The following ZNF586 variants were observed in gnomAD, a reference collection of about 807,000 sequenced individuals.
ZNF586 encodes zinc finger protein 586.
Under a neutral mutation model 6.7 loss-of-function variants are expected in ZNF586, and 7 were observed. The observed-to-expected ratio is 1.04, with a 90% CI of 0.59 to 1.95. ZNF586 has a LOEUF of 1.95. Ranked by LOEUF, ZNF586 falls within the 30% of genes most tolerant of loss-of-function variation. The pLI, the probability that ZNF586 is intolerant of heterozygous loss-of-function variation, is 0.00. For synonymous variants in ZNF586, 166 were observed against 168.7 expected (o/e 0.98, Z 0.12); for missense variants, 442 against 489.6 (o/e 0.90, Z 0.92).
chr19:57,777,362 G>T (rs1379465796), intron 2 of ZNF586, among the ~76,000 whole-genome samples: 1 of 152,066 alleles, frequency 6.6e-6, no homozygotes, highest in African/African-American at 2.4e-5. Flanking sequence ...TGCTCATCTT[G>T]GTGGTGAAAT....
chr19:57,775,886 G>A (rs945736383), intron 1 of ZNF586, among the ~76,000 whole-genome samples: 2 of 152,098 alleles, frequency 1.3e-5, no homozygotes, highest in Non-Finnish European at 2.9e-5. Flanking sequence ...ACAGGCGTGC[G>A]CCACCGCGCC....
In ZNF586 at chr19:57,779,510, A is replaced by G; in HGVS notation, c.923A>G (p.His308Arg). The G allele has an allele frequency of 6.2e-7, 1 of 1,614,208 alleles. No homozygotes were observed. Among genetic ancestry groups the G allele is most frequent in the Non-Finnish European group, 8.5e-7 (1 of 1,180,038 alleles). ...AGCTTAAGGTCCAACCTCATTCACC[A>G]TCAGCGAGTTCATACTGGAGAAAGG... ...SFSLRSNLIHHQRVHTGERHE... is the reference protein window; with the variant it reads ...SFSLRSNLIHRQRVHTGERHE... Residue 308 changes from histidine (H) to arginine (R), a missense_variant, in exon 3 of 3, where the codon CAT becomes CGT. Transcript: ENST00000396154.
intron 2 of ZNF586, 40 bp from the exon 3 acceptor site, chr19:57,778,710 CA>C (rs1157119562): frequency 2.1e-5 from 33 of 1,546,162 alleles, no homozygotes; most frequent in Non-Finnish European, 2.8e-5. Flanking sequence ...GCATACTCAA[CA>C]AAGTCAACAT....
chr19:57,774,475 A>G (rs1328067940), intron 1 of ZNF586, among the ~76,000 whole-genome samples: 1 of 151,706 alleles, frequency 6.6e-6, no homozygotes, highest in East Asian at 1.9e-4. Flanking sequence ...GTGAGCTGAG[A>G]TCGCGCCATT....
Position 57,779,061 on chromosome 19 carries a change from A to G in ZNF586, c.474A>G (p.Ser158=). 6.2e-7 allele frequency: 1 copy of G among 1,614,008 alleles called. No individual in the cohort carries two copies. The highest frequency in any genetic ancestry group is 8.5e-7 in the Non-Finnish European group (1 of 1,179,988). ...ATGAGTGCAGTGAGTGTGGAAAATCATTTCACCAAAGCTCTTCACTCTTGC... is the reference window on the plus strand; with the variant it reads ...ATGAGTGCAGTGAGTGTGGAAAATCGTTTCACCAAAGCTCTTCACTCTTGC... ...KTYECSECGK[S]FHQSSSLLQR... Residue 158 remains serine, a synonymous_variant, in exon 3 of 3, where the codon TCA becomes TCG. Coordinates refer to ENST00000396154, the MANE Select transcript of ZNF586 (RefSeq NM_017652.4).
intron 1 of ZNF586, among the ~76,000 whole-genome samples, chr19:57,772,197 G>C (rs540308637): frequency 3.9e-5 from 6 of 152,156 alleles, no homozygotes; most frequent in African/African-American, 1.4e-4. Context: ...TTTTATCTTA[G>C]CAGCTGTAGC....
At position 57,769,749 on chromosome 19, in the gene ZNF586, C is replaced by T. The variant is rs1319802573; in HGVS notation, c.-94C>T. The T allele has an allele frequency of 1.5e-6, 2 of 1,330,586 alleles. No homozygotes were observed. Among genetic ancestry groups the T allele is most frequent in the Admixed American group, 2.0e-5 (1 of 50,310 alleles). The allele number at this position is 1,330,586 out of a possible 1,614,324, so 82.4% of individuals were successfully genotyped here. ...AGTGGTTGTGGCCATTGCACACAGG[C>T]GGATCTGAGGTTCGGCGACGCCGCT... On this transcript the variant is annotated 5_prime_UTR_variant, in exon 1 of 3. Transcript: ENST00000396154.
At chr19:57,773,402 CTTTTTTTTT>C (rs35585717) in intron 1 of ZNF586, among the ~76,000 whole-genome samples, 1 of 92,800 alleles carries the variant, frequency 1.1e-5, no homozygotes, top group African/African-American at 3.5e-5. Context: ...TCTTCTTCTT[CTTTTTTTTT>C]TTTTTTTTTT....
Position 57,779,581 on chromosome 19 carries a change from C to T in ZNF586, c.994C>T (p.Leu332Phe), listed in dbSNP as rs781213994. 1 of 1,613,496 alleles carries T rather than the reference C, an allele frequency of 6.2e-7. No individual in the cohort carries two copies. Among genetic ancestry groups the T allele is most frequent in the South Asian group, 1.1e-5 (1 of 91,038 alleles). The change falls in exon 3 of 3, where the codon CTT (leucine) becomes TTT (phenylalanine). Residue 332 changes from leucine to phenylalanine, a missense_variant. Physicochemically the swap from Leu to Phe is conservative, Grantham distance 22 (BLOSUM62 0). Transcript: ENST00000396154. ...GAAATCCTTTAGCCGAAAATCTAGC[C>T]TTATTATACATCTGAGAGTTCACAC... ...CGKSFSRKSS[L>F]IIHLRVHTGE...
intron 2 of ZNF586, among the ~76,000 whole-genome samples, chr19:57,777,416 T>C (rs1374887182): frequency 6.6e-6 from 1 of 152,174 alleles, no homozygotes; most frequent in Non-Finnish European, 1.5e-5. Flanking sequence ...AGTCCAGCCT[T>C]AGCAAGGACT....
chr19:57,769,739 T>C lies in ZNF586; in HGVS notation c.-104T>C. 1 of 1,268,824 alleles carries C rather than the reference T, an allele frequency of 7.9e-7. No homozygotes were observed. The highest frequency in any genetic ancestry group is 1.1e-6 in the Non-Finnish European group (1 of 899,830). 78.6% of individuals were successfully genotyped at this position (1,268,824 alleles called of 1,614,324 possible). A position where few individuals can be genotyped will look rare whatever the true frequency, so the allele number is the denominator to read the frequency against. On this transcript the variant is annotated 5_prime_UTR_variant, in exon 1 of 3. Transcript: ENST00000396154. ...GCTCGGGAGGAGTGGTTGTGGCCAT[T>C]GCACACAGGCGGATCTGAGGTTCGG...
chr19:57,777,032 C>T (rs1987254641), intron 2 of ZNF586, among the ~76,000 whole-genome samples: 1 of 152,192 alleles, frequency 6.6e-6, no homozygotes, highest in Admixed American at 6.5e-5. Context: ...ATTGTCGTCA[C>T]TGATGTGGTC....
chr19:57,771,720 G>C (rs1987102309), intron 1 of ZNF586, among the ~76,000 whole-genome samples: 1 of 152,170 alleles, frequency 6.6e-6, no homozygotes, highest in African/African-American at 2.4e-5. Flanking sequence ...GGAGGAGGAA[G>C]ATCAAACTGG....
rs753594921 is a variant in ZNF586 at position 57,779,751 on chromosome 19, C to G, written c.1164C>G (p.Phe388Leu). ...CGKSFRHSSS[F>L]RRHQRVHTGM... ...AATCATTTCGCCACAGTTCTTCGTT[C>G]CGTCGCCATCAGAGAGTTCATACTG... The change falls in exon 3 of 3, where the codon TTC becomes TTG. Residue 388 changes from phenylalanine (F) to leucine (L), a missense_variant. Coordinates refer to ENST00000396154, the MANE Select transcript of ZNF586 (RefSeq NM_017652.4). The G allele has an allele frequency of 2.5e-6, 4 of 1,610,320 alleles. No homozygotes were observed. Among genetic ancestry groups the G allele is most frequent in the Non-Finnish European group, 3.4e-6 (4 of 1,177,642 alleles).
chr19:57,773,528 C>T lies in ZNF586; in HGVS notation c.37-3015C>T, dbSNP rs1044722396. Among the ~76,000 whole-genome samples, 10 of 151,744 alleles carry T rather than the reference C, an allele frequency of 6.6e-5. No individual in the cohort carries two copies. In the East Asian group the frequency reaches 7.7e-4, roughly 12 times the overall value. On this transcript the variant is annotated intron_variant, in intron 1 of 2. Coordinates refer to ENST00000396154, the MANE Select transcript of ZNF586 (RefSeq NM_017652.4). ...AAGTGATTCTTCTGCCTCAGCCTCC[C>T]GAGTAGCTGGGATTATAGGTGCCTG...
Position 57,779,033 on chromosome 19 carries a change from C to T in ZNF586, c.446C>T (p.Thr149Ile), listed in dbSNP as rs200794815. The T allele has an allele frequency of 6.2e-7, 1 of 1,614,046 alleles. No homozygotes were observed. The highest frequency in any genetic ancestry group is 2.2e-5 in the East Asian group (1 of 44,862). Residue 149 changes from threonine to isoleucine, a missense_variant, in exon 3 of 3, where the codon ACC (threonine) becomes ATC (isoleucine). Transcript: ENST00000396154. ...IHERFHTGQK[T>I]YECSECGKSF... ...GAGAGATTTCATACTGGGCAAAAGA[C>T]CTATGAGTGCAGTGAGTGTGGAAAA...
At position 57,771,087 on chromosome 19, in the gene ZNF586, G is replaced by C. The variant is rs1336299391; in HGVS notation, c.36+1209G>C. ...GAGGCCGAGGCGGGCGGATCACGAG[G>C]TCAGGAGTTTGAGACCATCCTGGCT... On this transcript the variant is annotated intron_variant, in intron 1 of 2. Transcript: ENST00000396154. Among the ~76,000 whole-genome samples, 3 of 151,904 alleles carry C rather than the reference G, an allele frequency of 2.0e-5. 1 individual carries two copies. In the East Asian group the frequency reaches 5.8e-4, roughly 29 times the overall value.
chr19:57,773,342 G>C lies in ZNF586; in HGVS notation c.37-3201G>C, dbSNP rs112782347. Among the ~76,000 whole-genome samples, 174 of 151,100 alleles carry C rather than the reference G, an allele frequency of 1.2e-3. 1 individual carries two copies. The highest frequency in any genetic ancestry group is 4.0e-3 in the African/African-American group (164 of 41,138). On this transcript the variant is annotated intron_variant, in intron 1 of 2. Coordinates refer to ENST00000396154, the MANE Select transcript of ZNF586 (RefSeq NM_017652.4). ...TACCTGGTGATGGTATTGGATTTGA[G>C]AAACACAGGTAAGGGAGGTAAATGG...
Position 57,779,795 on chromosome 19 carries a change from G to A in ZNF586, c.1208G>A (p.Ter403=). The A allele has an allele frequency of 3.2e-6, 5 of 1,565,722 alleles. No individual in the cohort carries two copies. The highest frequency in any genetic ancestry group is 4.3e-6 in the Non-Finnish European group (5 of 1,157,730). Residue 403 remains the stop codon, a stop_retained_variant, in exon 3 of 3, where the codon TGA becomes TAA. Coordinates refer to ENST00000396154, the MANE Select transcript of ZNF586 (RefSeq NM_017652.4). ...CATACTGGAATGAGGCCTTATAAGTGAAGCAAATTTTGGAAATTCTCTTGC... is the reference window on the plus strand; with the variant it reads ...CATACTGGAATGAGGCCTTATAAGTAAAGCAAATTTTGGAAATTCTCTTGC... ...RVHTGMRPYK[*]
Sources: allele counts gnomAD v4.1 joint callset (sites outside exome capture counted in the v4.1 genomes callset), GRCh38; gene constraint gnomAD v4.1.1; transcripts MANE v1.5; gene names NCBI Gene and HGNC (gene_info 2026-07-23, HGNC 2026-07-21).